Variants in GATAD2A observed in about 807,000 individuals in gnomAD.
GATAD2A encodes the protein GATA zinc finger domain containing 2A.
A neutral mutation model predicts 68.5 loss-of-function variants in GATAD2A; 12 were observed. The observed-to-expected ratio is 0.18, with a 90% CI of 0.11 to 0.28. GATAD2A has a LOEUF of 0.28. Ranked by LOEUF, GATAD2A falls within the 10% of genes least tolerant of loss-of-function variation. GATAD2A has a pLI of 1.00. For synonymous variants in GATAD2A, 410 were observed against 375.3 expected (o/e 1.09, Z -1.07); for missense variants, 755 against 868.5 (o/e 0.87, Z 1.64).
chr19:19,448,293 C>G (rs750396043), intron 1 of GATAD2A, among the ~76,000 whole-genome samples: 4 of 152,238 alleles, frequency 2.6e-5, no homozygotes, highest in Non-Finnish European at 5.9e-5. Context: ...CCTTGGGCAG[C>G]GTCTGTTTCT....
intron 2 of GATAD2A, among the ~76,000 whole-genome samples, chr19:19,484,784 C>T (rs761321705): frequency 2.2e-4 from 34 of 152,156 alleles, no homozygotes; most frequent in Non-Finnish European, 4.6e-4. Context: ...CCGCCCACCT[C>T]GGCCTCCCAA....
chr19:19,431,130 T>C (rs751484644), intron 1 of GATAD2A, among the ~76,000 whole-genome samples: 1 of 151,978 alleles, frequency 6.6e-6, no homozygotes, highest in East Asian at 1.9e-4. Context: ...CTGCTTTAAA[T>C]GTATGGGTTG....
At chr19:19,406,823 A>G (rs1463790628) in intron 1 of GATAD2A, among the ~76,000 whole-genome samples, 4 of 152,208 alleles carry the variant, frequency 2.6e-5, no homozygotes, top group Admixed American at 6.5e-5. Context: ...GATTGTGCGC[A>G]CACTGGGACC....
At chr19:19,504,032 C>A (rs2060717550) in intron 11 of GATAD2A, among the ~76,000 whole-genome samples, 1 of 151,918 alleles carries the variant, frequency 6.6e-6, no homozygotes, top group Non-Finnish European at 1.5e-5. Flanking sequence ...CATGGTGAGA[C>A]CTTGTGTCTA....
chr19:19,393,783 C>T (rs1322103564), intron 1 of GATAD2A, among the ~76,000 whole-genome samples: 1 of 152,074 alleles, frequency 6.6e-6, no homozygotes, highest in Admixed American at 6.6e-5. Flanking sequence ...CATTTTCCTA[C>T]TTGATTGTTG....
chr19:19,490,049 G>T (rs1317958220), intron 2 of GATAD2A, among the ~76,000 whole-genome samples: 1 of 152,228 alleles, frequency 6.6e-6, no homozygotes, highest in African/African-American at 2.4e-5. Context: ...CCTGAGTGAG[G>T]TGTCCTGGGT....
intron 1 of GATAD2A, among the ~76,000 whole-genome samples, chr19:19,439,771 C>G (rs1438493368): frequency 6.6e-6 from 1 of 152,038 alleles, no homozygotes; most frequent in Non-Finnish European, 1.5e-5. Context: ...TCGCTTGAAC[C>G]CAGGAGGCGG....
chr19:19,483,995 C>G (rs1406566593), intron 2 of GATAD2A, among the ~76,000 whole-genome samples: 1 of 151,974 alleles, frequency 6.6e-6, no homozygotes, highest in Non-Finnish European at 1.5e-5. Flanking sequence ...AGCTGAGTGT[C>G]TCTGAGTGAA....
intron 1 of GATAD2A, among the ~76,000 whole-genome samples, chr19:19,414,837 CTTTTTTTTT>C (rs56353005): frequency 1.3e-5 from 1 of 74,772 alleles, no homozygotes; most frequent in Non-Finnish European, 2.5e-5. Flanking sequence ...ACCCTGCCCC[CTTTTTTTTT>C]TTTTTTTTTT....
intron 1 of GATAD2A, among the ~76,000 whole-genome samples, chr19:19,419,371 C>G (rs966484879): frequency 1.3e-5 from 2 of 152,174 alleles, no homozygotes; most frequent in African/African-American, 4.8e-5. Flanking sequence ...GTGGCTGTTC[C>G]TGCCCATGGA....
chr19:19,497,979 T>C (rs1389767351), intron 7 of GATAD2A, among the ~76,000 whole-genome samples: 1 of 152,144 alleles, frequency 6.6e-6, no homozygotes, highest in Non-Finnish European at 1.5e-5. Flanking sequence ...CCTCAAACAT[T>C]AGCATCCCAG....
At chr19:19,492,243 CA>C in intron 2 of GATAD2A, 62 bp from the exon 3 acceptor site, 1 of 1,532,124 alleles carries the variant, frequency 6.5e-7, no homozygotes, top group Non-Finnish European at 8.9e-7. Context: ...CATGTGTCCA[CA>C]GGGGTGGGCA....
At chr19:19,410,764 C>T (rs1381783745) in intron 1 of GATAD2A, among the ~76,000 whole-genome samples, 1 of 152,178 alleles carries the variant, frequency 6.6e-6, no homozygotes, top group Non-Finnish European at 1.5e-5. Context: ...TCCAGGACAG[C>T]CCTGGCTTTG....
At chr19:19,423,801 G>A (rs2052726125) in intron 1 of GATAD2A, among the ~76,000 whole-genome samples, 1 of 152,200 alleles carries the variant, frequency 6.6e-6, no homozygotes, top group Admixed American at 6.5e-5. Context: ...GCCCTAAACT[G>A]GACTTGGAGG....
At chr19:19,426,573 C>T (rs776767696) in intron 1 of GATAD2A, among the ~76,000 whole-genome samples, 6 of 152,042 alleles carry the variant, frequency 3.9e-5, no homozygotes, top group African/African-American at 1.2e-4. Flanking sequence ...TACAGAGATG[C>T]GATCTTGGCT....
chr19:19,434,097 A>G (rs981759290), intron 1 of GATAD2A, among the ~76,000 whole-genome samples: 5 of 152,010 alleles, frequency 3.3e-5, no homozygotes, highest in African/African-American at 9.7e-5. Flanking sequence ...TTGTTGTTTC[A>G]TTGTAGTTTC....
chr19:19,495,302 T>C, intron 5 of GATAD2A, among the ~76,000 whole-genome samples: 1 of 150,924 alleles, frequency 6.6e-6, no homozygotes, highest in East Asian at 2.0e-4. Flanking sequence ...CCAGCTTTTT[T>C]TTCTTTTTTT....
chr19:19,445,776 C>T (rs989437163), intron 1 of GATAD2A, among the ~76,000 whole-genome samples: 2 of 152,172 alleles, frequency 1.3e-5, no homozygotes, highest in Non-Finnish European at 2.9e-5. Context: ...AATAATATTC[C>T]ATTGTCTAGA....
intron 1 of GATAD2A, among the ~76,000 whole-genome samples, chr19:19,448,143 C>G (rs896787351): frequency 1.3e-5 from 2 of 152,242 alleles, no homozygotes; most frequent in South Asian, 4.1e-4. Flanking sequence ...GAGCCAGGCC[C>G]TTCCCACAGA....
Sources: allele counts gnomAD v4.1 joint callset (sites outside exome capture counted in the v4.1 genomes callset), GRCh38; gene constraint gnomAD v4.1.1; transcripts MANE v1.5; gene names NCBI Gene and HGNC (gene_info 2026-07-23, HGNC 2026-07-21).